ADAMTS6: variants seen among roughly 807,000 people sequenced by gnomAD.
ADAMTS6 encodes ADAM metallopeptidase with thrombospondin type 1 motif 6.
Under a neutral mutation model 144.3 loss-of-function variants are expected in ADAMTS6, and 23 were observed. That is an observed-to-expected ratio of 0.16 (90% CI 0.11 to 0.23). ADAMTS6 has a LOEUF of 0.23. Ranked by LOEUF, ADAMTS6 falls within the 10% of genes least tolerant of loss-of-function variation. The pLI is 1.00. For missense variants in ADAMTS6, 999 were observed against 1,379.6 expected (o/e 0.72, Z 4.37); for synonymous variants, 444 against 457.5 (o/e 0.97, Z 0.38).
chr5:65,364,974 T>A (rs1317005957), intron 7 of ADAMTS6, among the ~76,000 whole-genome samples: 1 of 152,186 alleles, frequency 6.6e-6, no homozygotes, highest in African/African-American at 2.4e-5. Context: ...GCATCATTTA[T>A]AACCTAACAC....
chr5:65,405,444 T>C (rs1368380302), intron 7 of ADAMTS6, among the ~76,000 whole-genome samples: 1 of 152,194 alleles, frequency 6.6e-6, no homozygotes, highest in South Asian at 2.1e-4. Context: ...TTGTCAAAGA[T>C]CAGATGGTTG....
intron 9 of ADAMTS6, among the ~76,000 whole-genome samples, chr5:65,305,177 G>T (rs114572924): frequency 0.034 from 5,153 of 152,134 alleles, 151 homozygotes; most frequent in Non-Finnish European, 0.048. Context: ...TAAAACAAGG[G>T]TTGCAAAATC....
At chr5:65,448,109 T>C (rs1045766763) in intron 7 of ADAMTS6, among the ~76,000 whole-genome samples, 1 of 150,438 alleles carries the variant, frequency 6.6e-6, no homozygotes, top group Non-Finnish European at 1.5e-5. Context: ...TACACATATA[T>C]GTACATATAA....
intron 16 of ADAMTS6, 67 bp downstream of exon 16, chr5:65,226,019 T>A: frequency 1.3e-6 from 2 of 1,507,674 alleles, no homozygotes; most frequent in African/African-American, 1.4e-5. Context: ...TAGTATTAAA[T>A]AGGAGTTAAT....
At chr5:65,309,609 C>CAT (rs1270801030) in intron 9 of ADAMTS6, among the ~76,000 whole-genome samples, 13 of 152,018 alleles carry the variant, frequency 8.6e-5, no homozygotes, top group African/African-American at 2.7e-4. Flanking sequence ...CACACACACA[C>CAT]ACACACACAG....
chr5:65,199,367 A>G (rs1214479723), intron 20 of ADAMTS6, among the ~76,000 whole-genome samples: 2 of 152,204 alleles, frequency 1.3e-5, no homozygotes, highest in Non-Finnish European at 2.9e-5. Context: ...TTGTTTGGCT[A>G]TAATTACATT....
At chr5:65,208,341 T>G (rs1756261604) in intron 20 of ADAMTS6, among the ~76,000 whole-genome samples, 1 of 152,192 alleles carries the variant, frequency 6.6e-6, no homozygotes. Flanking sequence ...GAAGACTCTC[T>G]GGGGGTGGGG....
At chr5:65,442,931 C>T (rs138733180) in intron 7 of ADAMTS6, among the ~76,000 whole-genome samples, 30 of 152,258 alleles carry the variant, frequency 2.0e-4, no homozygotes, top group African/African-American at 7.2e-4. Context: ...CATGCAGTGT[C>T]TGGTTTTCTG....
intron 7 of ADAMTS6, among the ~76,000 whole-genome samples, chr5:65,335,718 T>C (rs1007887733): frequency 6.6e-6 from 1 of 152,048 alleles, no homozygotes; most frequent in Non-Finnish European, 1.5e-5. Flanking sequence ...AGTGATATAT[T>C]ACAGAAAAAT....
At chr5:65,330,376 C>A (rs990868529) in intron 8 of ADAMTS6, among the ~76,000 whole-genome samples, 1 of 151,938 alleles carries the variant, frequency 6.6e-6, no homozygotes, top group Admixed American at 6.6e-5. Context: ...GAAACAGATG[C>A]CAAATCATAT....
At chr5:65,355,193 A>G (rs1436688347) in intron 7 of ADAMTS6, among the ~76,000 whole-genome samples, 1 of 151,750 alleles carries the variant, frequency 6.6e-6, no homozygotes, top group Non-Finnish European at 1.5e-5. Context: ...TTCCAATCCT[A>G]AACATTTTTC....
intron 9 of ADAMTS6, among the ~76,000 whole-genome samples, chr5:65,320,280 C>A (rs1285561693): frequency 6.6e-6 from 1 of 152,122 alleles, no homozygotes; most frequent in African/African-American, 2.4e-5. Flanking sequence ...CATTAAAAAA[C>A]AATAACAGCG....
intron 7 of ADAMTS6, among the ~76,000 whole-genome samples, chr5:65,371,833 A>T (rs2150121026): frequency 6.6e-6 from 1 of 152,266 alleles, no homozygotes; most frequent in East Asian, 1.9e-4. Flanking sequence ...GATTCACCAA[A>T]GTTTAAATGA....
intron 7 of ADAMTS6, among the ~76,000 whole-genome samples, chr5:65,367,880 A>G (rs115305912): frequency 0.054 from 8,134 of 151,800 alleles, 274 homozygotes; most frequent in East Asian, 0.11. Context: ...ATGTGTGTGT[A>G]TATATATATG....
chr5:65,319,517 CA>C (rs773263244), intron 9 of ADAMTS6, among the ~76,000 whole-genome samples: 3,145 of 124,548 alleles, frequency 0.025, 73 homozygotes, highest in East Asian at 0.17. Context: ...CCATATCTAC[CA>C]AAAAAAAAAA....
intron 9 of ADAMTS6, among the ~76,000 whole-genome samples, chr5:65,319,695 GAA>G: frequency 4.7e-5 from 4 of 85,340 alleles, no homozygotes; most frequent in African/African-American, 2.1e-4. Flanking sequence ...GGGAAGGAAG[GAA>G]GGGAGGGAGG....
At chr5:65,184,867 T>G (rs931778993) in intron 22 of ADAMTS6, among the ~76,000 whole-genome samples, 1 of 151,918 alleles carries the variant, frequency 6.6e-6, no homozygotes, top group South Asian at 2.1e-4. Flanking sequence ...TTTACAACAA[T>G]GGAAATTTTA....
intron 20 of ADAMTS6, chr5:65,198,862 A>G (rs972157832): frequency 8.5e-5 from 13 of 152,604 alleles, no homozygotes; most frequent in African/African-American, 3.1e-4. Context: ...TAAACTTTAG[A>G]ATTTTTGAGG....
chr5:65,456,180 T>A (rs1350642160), intron 4 of ADAMTS6, among the ~76,000 whole-genome samples: 2 of 152,102 alleles, frequency 1.3e-5, no homozygotes, highest in Non-Finnish European at 2.9e-5. Context: ...AATGTTAAGC[T>A]TAATGATCTG....
Sources: allele counts gnomAD v4.1 joint callset (sites outside exome capture counted in the v4.1 genomes callset), GRCh38; gene constraint gnomAD v4.1.1; transcripts MANE v1.5; gene names NCBI Gene and HGNC (gene_info 2026-07-23, HGNC 2026-07-21).